Variants in SMYD4 observed in about 807,000 individuals in gnomAD.
SMYD4 encodes SET and MYND domain containing 4.
Under a neutral mutation model 72.8 loss-of-function variants are expected in SMYD4, and 68 were observed. That is an observed-to-expected ratio of 0.93 (90% confidence interval 0.77 to 1.14). SMYD4 has a LOEUF of 1.14. Ranked by LOEUF, SMYD4 falls within the 50% of genes most tolerant of loss-of-function variation. The pLI, the probability that SMYD4 is intolerant of heterozygous loss-of-function variation, is 0.00. For missense variants in SMYD4, 984 were observed against 1,003.7 expected (o/e 0.98, Z 0.27); for synonymous variants, 407 against 388.6 (o/e 1.05, Z -0.56).
At chr17:1,788,980 T>C (rs1027059199) in intron 5 of SMYD4, among the ~76,000 whole-genome samples, 2 of 152,096 alleles carry the variant, frequency 1.3e-5, no homozygotes, top group Admixed American at 1.3e-4. Context: ...ACAAAACAGG[T>C]TGGAAGATAA....
chr17:1,817,317 C>G lies in SMYD4; in HGVS notation c.135-5202G>C, dbSNP rs190551319. Among the ~76,000 whole-genome samples, 714 of 151,842 alleles carry G rather than the reference C, an allele frequency of 4.7e-3. 3 individuals carry two copies. Among genetic ancestry groups the G allele is most frequent in the African/African-American group, 0.017 (684 of 41,418 alleles). On this transcript the variant is annotated intron_variant, in intron 2 of 10. Coordinates refer to ENST00000305513, the MANE Select transcript of SMYD4 (RefSeq NM_052928.3). ...CCTCCCAAAGTGCTGGGATTACAGG[C>G]GTGAGCCACCGCGCCTGGCCTAAAA...
At position 1,783,382 on chromosome 17, in the gene SMYD4, C is replaced by T. The variant is rs142128376; in HGVS notation, c.2115G>A (p.Leu705=). ...TACCTAAGGCAGCACAGGCCCGGGCCAGGCCATCCGCGATCTCTCCCACCA... is the reference window on the plus strand; with the variant it reads ...TACCTAAGGCAGCACAGGCCCGGGCTAGGCCATCCGCGATCTCTCCCACCA... The part of the protein sequence containing the change: ...HAVVGEIADG[L]ARACAALGDW... Residue 705 remains leucine (L), a synonymous_variant, in exon 9 of 11, where the codon CTG becomes CTA. Coordinates refer to ENST00000305513, the MANE Select transcript of SMYD4 (RefSeq NM_052928.3). 1.2e-6 allele frequency: 2 copies of T among 1,612,384 alleles called. No individual in the cohort carries two copies. The highest frequency in any genetic ancestry group is 2.7e-5 in the African/African-American group (2 of 74,892).
At chr17:1,798,247 C>T (rs1909512002) in intron 5 of SMYD4, among the ~76,000 whole-genome samples, 1 of 151,598 alleles carries the variant, frequency 6.6e-6, no homozygotes, top group South Asian at 2.1e-4. Flanking sequence ...TCTCCTGCCT[C>T]AGCCTCCCAA....
chr17:1,807,592 A>C (rs1170462315), intron 3 of SMYD4, among the ~76,000 whole-genome samples: 1 of 151,616 alleles, frequency 6.6e-6, no homozygotes, highest in East Asian at 1.9e-4. Flanking sequence ...TCAACTTCCA[A>C]CCTCAGGTGA....
intron 5 of SMYD4, among the ~76,000 whole-genome samples, chr17:1,788,473 C>T (rs571410463): frequency 2.2e-4 from 33 of 152,200 alleles, no homozygotes; most frequent in South Asian, 1.2e-3. Flanking sequence ...TGGCCGGGCG[C>T]GGTGGCTCAC....
rs769728729 is a variant in SMYD4 at position 1,800,735 on chromosome 17, G to A, written c.659C>T (p.Ala220Val). The A allele has an allele frequency of 2.7e-5, 43 of 1,614,094 alleles. No individual in the cohort carries two copies. In the African/African-American group the frequency reaches 3.3e-4, roughly 13 times the overall value. ...AAGTTGTTCATTCTCCTCCCTCAGC[G>A]CTGCATCCTCAAGGGTTTTGGCCAG... ...AALAKTLEDA[A>V]LREENEQLSN... The change falls in exon 5 of 11, where the codon GCG becomes GTG. Residue 220 changes from alanine to valine, a missense_variant. Transcript: ENST00000305513.
intron 2 of SMYD4, among the ~76,000 whole-genome samples, chr17:1,817,048 CT>C (rs34482955): frequency 0.65 from 90,289 of 138,294 alleles, 30,105 homozygotes; most frequent in Non-Finnish European, 0.78. Flanking sequence ...TGCACAAAAC[CT>C]TTTTTTTTTT....
chr17:1,797,984 A>G (rs1909494567), intron 5 of SMYD4, among the ~76,000 whole-genome samples: 2 of 151,996 alleles, frequency 1.3e-5, no homozygotes, highest in African/African-American at 4.8e-5. Context: ...CCTGGGTGAC[A>G]GGGCAACACT....
chr17:1,799,894 C>A lies in SMYD4; in HGVS notation c.1500G>T (p.Gln500His), dbSNP rs1165046061. ...VAMLRHMLQLQCNAQAMTTIQ... is the reference protein window; with the variant it reads ...VAMLRHMLQLHCNAQAMTTIQ... The stretch of plus-strand genomic sequence containing the variant: ...TGGTGGTCATCGCCTGAGCGTTACA[C>A]TGAAGCTGTAACATGTGTCTCAGCA... The change falls in exon 5 of 11, where the codon CAG (glutamine) becomes CAT (histidine). Residue 500 changes from glutamine to histidine, a missense_variant. By Grantham distance (24) the Gln-to-His change is conservative. Transcript: ENST00000305513. The A allele has an allele frequency of 3.1e-6, 5 of 1,612,196 alleles. No homozygotes were observed. In the Admixed American group the frequency reaches 8.4e-5, roughly 27 times the overall value.
rs1439178724 is a variant in SMYD4, at chr17:1,782,950, T to C, written c.2261+85A>G. On this transcript the variant is annotated intron_variant, in intron 10 of 10. Coordinates refer to ENST00000305513, the MANE Select transcript of SMYD4 (RefSeq NM_052928.3). ...AAATAAAGAAGTTTCAACATGCTTT[T>C]AAAAACACCATAGAAAAAAAGTAAT... 3.2e-6 allele frequency: 5 copies of C among 1,540,210 alleles called. No homozygotes were observed. In the African/African-American group the frequency reaches 5.6e-5, roughly 17 times the overall value.
chr17:1,792,287 C>T (rs1909088177), intron 5 of SMYD4, among the ~76,000 whole-genome samples: 1 of 151,994 alleles, frequency 6.6e-6, no homozygotes, highest in South Asian at 2.1e-4. Flanking sequence ...GATCCTCCCA[C>T]CTCGGCCTCC....
intron 5 of SMYD4, among the ~76,000 whole-genome samples, chr17:1,798,465 T>C (rs1909523904): frequency 6.6e-6 from 1 of 152,028 alleles, no homozygotes; most frequent in Non-Finnish European, 1.5e-5. Context: ...TTTTCCTTCA[T>C]AACCAAAAAA....
Position 1,804,552 on chromosome 17 carries a change from G to A in SMYD4, c.369+74C>T, listed in dbSNP as rs1017348035. The A allele has an allele frequency of 3.0e-5, 38 of 1,260,140 alleles. No homozygotes were observed. The Admixed American group carries it at 6.4e-4, about 21-fold the overall frequency. The allele number at this position is 1,260,140 out of a possible 1,614,324, so 78.1% of individuals were successfully genotyped here. A position where few individuals can be genotyped will look rare whatever the true frequency, so the allele number is the denominator to read the frequency against. On this transcript the variant is annotated intron_variant, in intron 4 of 10. Coordinates refer to ENST00000305513, the MANE Select transcript of SMYD4 (RefSeq NM_052928.3). ...ATTTTAGTGTTCTATGGAAGAAGCA[G>A]AGATGAAGGTCTAGTCCTCCAGTAA...
chr17:1,811,822 G>A, intron 3 of SMYD4, 149 bp downstream of exon 3: 1 of 766,316 alleles, frequency 1.3e-6, no homozygotes, highest in Admixed American at 3.0e-5. Context: ...AGCTACTCAG[G>A]AGACTAAGGT....
At chr17:1,791,870 G>C (rs555854149) in intron 5 of SMYD4, among the ~76,000 whole-genome samples, 4 of 152,172 alleles carry the variant, frequency 2.6e-5, no homozygotes, top group Admixed American at 1.3e-4. Context: ...CTAAGTGACA[G>C]AGTGAGACCC....
At chr17:1,794,747 AG>A (rs1393880077) in intron 5 of SMYD4, among the ~76,000 whole-genome samples, 1 of 143,996 alleles carries the variant, frequency 6.9e-6, no homozygotes, top group Non-Finnish European at 1.5e-5. Flanking sequence ...AAAAAAAAAA[AG>A]GCTATTCTCA....
intron 5 of SMYD4, among the ~76,000 whole-genome samples, chr17:1,797,407 T>C (rs1293454177): frequency 6.6e-6 from 1 of 152,268 alleles, no homozygotes; most frequent in East Asian, 1.9e-4. Flanking sequence ...GTATCTGTTG[T>C]CAGCACAGTC....
At chr17:1,799,713 T>C in intron 5 of SMYD4, 144 bp downstream of exon 5, 3 of 816,160 alleles carry the variant, frequency 3.7e-6, no homozygotes, top group Non-Finnish European at 5.5e-6. Flanking sequence ...CTTAATGGCA[T>C]TGTGACAATA....
intron 5 of SMYD4, among the ~76,000 whole-genome samples, chr17:1,791,052 G>A (rs554129936): frequency 2.2e-4 from 32 of 148,828 alleles, no homozygotes; most frequent in South Asian, 6.4e-4. Flanking sequence ...GAGTGAACCC[G>A]GGAGGTGGAG....
Sources: allele counts gnomAD v4.1 joint callset (sites outside exome capture counted in the v4.1 genomes callset), GRCh38; gene constraint gnomAD v4.1.1; transcripts MANE v1.5; gene names NCBI Gene and HGNC (gene_info 2026-07-23, HGNC 2026-07-21).